TNKS: variants seen among roughly 807,000 people sequenced by gnomAD.
The protein encoded by TNKS is tankyrase, also known as poly [ADP-ribose] polymerase tankyrase-1.
TNKS carries 72 observed loss-of-function variants against 135.8 expected under a neutral mutation model. The observed-to-expected ratio is 0.53, with a 90% CI of 0.44 to 0.64. The LOEUF (loss-of-function observed/expected upper bound fraction) is 0.64, where lower values mean the gene tolerates loss of function less well. Among genes scored for constraint, TNKS ranks in the 30% least tolerant of loss-of-function variants. The probability of loss-of-function intolerance (pLI) is 0.00; values close to 1 mark genes in which losing one functional copy is unlikely to be tolerated. For synonymous variants in TNKS, 849 were observed against 649.3 expected (o/e 1.31, Z -4.68); for missense variants, 1,769 against 1,674.0 (o/e 1.06, Z -0.99).
chr8:9,734,812 C>G lies in TNKS; in HGVS notation c.2314-53C>G, dbSNP rs1038188829. On this transcript the variant is annotated intron_variant, in intron 15 of 26. Coordinates refer to ENST00000310430, the MANE Select transcript of TNKS (RefSeq NM_003747.3). ...GTAAATTAATTACCTACCTACCTAC[C>G]TACCTACTTACTACAGAAAATACAA... The G allele has an allele frequency of 3.4e-6, 5 of 1,464,218 alleles. No homozygotes were observed. In the African/African-American group the frequency reaches 7.0e-5, roughly 21 times the overall value. 90.7% of individuals were successfully genotyped at this position (1,464,218 alleles called of 1,614,324 possible). A position where few individuals can be genotyped will look rare whatever the true frequency, so the allele number is the denominator to read the frequency against.
intron 5 of TNKS, among the ~76,000 whole-genome samples, chr8:9,698,519 G>T (rs926030817): frequency 2.6e-5 from 4 of 151,982 alleles, no homozygotes; most frequent in African/African-American, 9.7e-5. Context: ...AAACATTCCT[G>T]TGTGATAGGG....
chr8:9,556,897 G>C (rs2129048491), intron 1 of TNKS: 1 of 537,596 alleles, frequency 1.9e-6, no homozygotes, highest in African/African-American at 1.9e-5. Context: ...TTACACTTTA[G>C]TTTTTGGTGT....
At chr8:9,608,880 G>T (rs1303899761) in intron 2 of TNKS, among the ~76,000 whole-genome samples, 4 of 152,134 alleles carry the variant, frequency 2.6e-5, no homozygotes, top group Non-Finnish European at 4.4e-5. Flanking sequence ...TACAACTGCA[G>T]CTGGCTACTG....
intron 3 of TNKS, among the ~76,000 whole-genome samples, chr8:9,641,612 CATT>C (rs1406838300): frequency 1.4e-5 from 2 of 144,642 alleles, no homozygotes; most frequent in African/African-American, 2.6e-5. Flanking sequence ...GTATTTCTAA[CATT>C]ATTTTTCAGA....
At chr8:9,764,909 C>G in intron 23 of TNKS, 119 bp downstream of exon 23, 1 of 707,758 alleles carries the variant, frequency 1.4e-6, no homozygotes, top group Non-Finnish European at 2.2e-6. Flanking sequence ...TAATTCGTCA[C>G]CTGTCTGAAG....
chr8:9,694,129 C>T (rs1288733799), intron 5 of TNKS, among the ~76,000 whole-genome samples: 1 of 152,160 alleles, frequency 6.6e-6, no homozygotes, highest in Non-Finnish European at 1.5e-5. Context: ...GGAAATGCAT[C>T]GAACATCACA....
intron 20 of TNKS, among the ~76,000 whole-genome samples, chr8:9,760,246 TA>T (rs1297868056): frequency 2.0e-5 from 3 of 152,202 alleles, no homozygotes; most frequent in Non-Finnish European, 4.4e-5. Flanking sequence ...GTTTTGTTTT[TA>T]AAGCTCTGCT....
At chr8:9,590,315 C>T (rs1254086466) in intron 2 of TNKS, among the ~76,000 whole-genome samples, 1 of 152,156 alleles carries the variant, frequency 6.6e-6, no homozygotes, top group African/African-American at 2.4e-5. Context: ...GCCTGCGGTA[C>T]TCTTTCCCCA....
Position 9,556,306 on chromosome 8 carries a change from A to T in TNKS, c.367A>T (p.Ser123Cys). The T allele has an allele frequency of 6.2e-7, 1 of 1,614,254 alleles. No homozygotes were observed. The highest frequency in any genetic ancestry group is 8.5e-7 in the Non-Finnish European group (1 of 1,180,046). The change falls in exon 1 of 27, where the codon AGT becomes TGT. Residue 123 changes from serine (S) to cysteine (C), a missense_variant. By Grantham distance (112) the Ser-to-Cys change is moderately radical (BLOSUM62 -1). Transcript: ENST00000310430. Reference sequence around the variant, plus strand: ...TGGGGTCGCTCCCAACCCAGCCGGCAGTGGCAGTAACAATTCACCGTCGTC... The same window carrying T: ...TGGGGTCGCTCCCAACCCAGCCGGCTGTGGCAGTAACAATTCACCGTCGTC... ...AAGVAPNPAG[S>C]GSNNSPSSSS...
chr8:9,765,091 G>C lies in TNKS; in HGVS notation c.3447+301G>C, dbSNP rs527315661. 4.6e-5 allele frequency among the ~76,000 whole-genome samples: 7 copies of C among 152,282 alleles called. 1 individual carries two copies. In the Middle Eastern group the frequency reaches 0.024, roughly 518 times the overall value. ...TGCTCATGCACAAATACAGGCCATA[G>C]CTGACAATAATGTTTTTTATCATTT... On this transcript the variant is annotated intron_variant, in intron 23 of 26. Transcript: ENST00000310430.
chr8:9,586,927 G>A (rs1798403613), intron 2 of TNKS, among the ~76,000 whole-genome samples: 1 of 152,074 alleles, frequency 6.6e-6, no homozygotes, highest in African/African-American at 2.4e-5. Context: ...GGCGTACCTG[G>A]AGAGTACTGT....
At chr8:9,596,647 C>T (rs77628686) in intron 2 of TNKS, among the ~76,000 whole-genome samples, 11,287 of 152,164 alleles carry the variant, frequency 0.074, 453 homozygotes, top group South Asian at 0.17. Flanking sequence ...ACTGTGTAGC[C>T]AAAGATACAT....
intron 5 of TNKS, among the ~76,000 whole-genome samples, chr8:9,695,154 T>C (rs1803451701): frequency 6.6e-6 from 1 of 152,158 alleles, no homozygotes; most frequent in Admixed American, 6.5e-5. Flanking sequence ...AGTGGGGAAA[T>C]CAAAAGATGT....
intron 2 of TNKS, among the ~76,000 whole-genome samples, chr8:9,588,466 C>G (rs1194809079): frequency 6.6e-6 from 1 of 152,068 alleles, no homozygotes; most frequent in Admixed American, 6.6e-5. Flanking sequence ...TTAGTAGATA[C>G]AGGATTTCAC....
In TNKS at chr8:9,781,495, C is replaced by G. The variant is rs1261185839; in HGVS notation, c.*4759C>G. 6.6e-6 allele frequency: 1 copy of G among 152,174 alleles called. No homozygotes were observed. The highest frequency in any genetic ancestry group is 1.5e-5 in the Non-Finnish European group (1 of 68,040). The allele number at this position is 152,174 out of a possible 1,614,324, so 9.4% of individuals were successfully genotyped here. On this transcript the variant is annotated 3_prime_UTR_variant, in exon 27 of 27. Coordinates refer to ENST00000310430, the MANE Select transcript of TNKS (RefSeq NM_003747.3). ...AGATCTTTGAGGCCGATAGCCTAGA[C>G]CTAGAAGATGACCTTGAGTATGTAA... is the stretch of plus-strand genomic sequence containing the variant.
At chr8:9,603,911 G>A (rs1799116791) in intron 2 of TNKS, among the ~76,000 whole-genome samples, 2 of 152,144 alleles carry the variant, frequency 1.3e-5, no homozygotes, top group South Asian at 4.1e-4. Context: ...AATGGTAGAA[G>A]TCAAAGAACT....
intron 3 of TNKS, among the ~76,000 whole-genome samples, chr8:9,668,154 C>G (rs1003340056): frequency 1.3e-5 from 2 of 152,150 alleles, no homozygotes; most frequent in African/African-American, 4.8e-5. Flanking sequence ...GGAATCATTT[C>G]TAAGAAATAA....
At chr8:9,561,963 C>T (rs1339934553) in intron 1 of TNKS, among the ~76,000 whole-genome samples, 13 of 151,910 alleles carry the variant, frequency 8.6e-5, no homozygotes, top group African/African-American at 2.7e-4. Context: ...ATTACAGGCG[C>T]CCACCACCAC....
At chr8:9,683,578 G>A (rs578182341) in intron 5 of TNKS, among the ~76,000 whole-genome samples, 1 of 151,968 alleles carries the variant, frequency 6.6e-6, no homozygotes, top group South Asian at 2.1e-4. Context: ...AAAAGCCCAT[G>A]AAAATGTTAA....
Sources: allele counts gnomAD v4.1 joint callset (sites outside exome capture counted in the v4.1 genomes callset), GRCh38; gene constraint gnomAD v4.1.1; transcripts MANE v1.5; gene names NCBI Gene and HGNC (gene_info 2026-07-23, HGNC 2026-07-21).